The following CSGALNACT1 variants were observed in gnomAD, a reference collection of about 807,000 sequenced individuals.
CSGALNACT1 encodes beta4GalNAcT-1.
Under a neutral mutation model 51.0 loss-of-function variants are expected in CSGALNACT1, and 52 were observed. The observed-to-expected ratio is 1.02, with a 90% CI of 0.82 to 1.29. The LOEUF is 1.29. Ranked by LOEUF, CSGALNACT1 falls within the 50% of genes most tolerant of loss-of-function variation. CSGALNACT1 has a pLI of 0.00. For synonymous variants in CSGALNACT1, 341 were observed against 254.4 expected, an observed-to-expected ratio of 1.34 and a Z score of -3.24; for missense variants, 935 against 679.2, an observed-to-expected ratio of 1.38 and a Z score of -4.19.
intron 4 of CSGALNACT1, among the ~76,000 whole-genome samples, chr8:19,502,659 C>T (rs962484821): frequency 6.6e-6 from 1 of 152,166 alleles, no homozygotes; most frequent in Non-Finnish European, 1.5e-5. Context: ...AACCCAAAAC[C>T]TCAAATCACT....
rs868791357 is a variant in CSGALNACT1 at position 19,428,876 on chromosome 8, T to C, written c.954-8358A>G. ...GTGTGTGTGTGTGTGTGTGTGTGTG[T>C]ATGCATGCTGTGTATTTATATGTAT... On this transcript the variant is annotated intron_variant, in intron 6 of 9. Coordinates refer to ENST00000454498, the Ensembl canonical transcript of CSGALNACT1. Among the ~76,000 whole-genome samples the C allele has an allele frequency of 5.6e-3, 731 of 130,230 alleles. 8 individuals are homozygous for C. The highest frequency in any genetic ancestry group is 0.02 in the African/African-American group (676 of 33,718). The allele number at this position is 130,230 out of a possible 152,430, so 85.4% of individuals were successfully genotyped here.
At chr8:19,484,747 C>A (rs2072428237) in intron 4 of CSGALNACT1, among the ~76,000 whole-genome samples, 1 of 152,114 alleles carries the variant, frequency 6.6e-6, no homozygotes, top group Non-Finnish European at 1.5e-5. Context: ...TTGGAGAATA[C>A]CAAGAAGTAC....
intron 3 of CSGALNACT1, among the ~76,000 whole-genome samples, chr8:19,586,337 C>T (rs921961068): frequency 1.3e-5 from 2 of 149,342 alleles, no homozygotes; most frequent in Non-Finnish European, 3.0e-5. Context: ...CCAGCCTGGG[C>T]AACAGAGCAA....
intron 4 of CSGALNACT1, among the ~76,000 whole-genome samples, chr8:19,467,269 G>C (rs561141275): frequency 1.3e-5 from 2 of 151,766 alleles, no homozygotes; most frequent in Non-Finnish European, 2.9e-5. Flanking sequence ...ACAGGAGCCC[G>C]CCACCATGAC....
At chr8:19,680,548 T>C in intron 1 of CSGALNACT1, among the ~76,000 whole-genome samples, 3 of 92,074 alleles carry the variant, frequency 3.3e-5, no homozygotes, top group East Asian at 3.3e-4. Flanking sequence ...AAAGGAAGAA[T>C]CTGCACCCTC....
chr8:19,502,525 T>A (rs2076597634), intron 4 of CSGALNACT1, among the ~76,000 whole-genome samples: 2 of 152,330 alleles, frequency 1.3e-5, no homozygotes, highest in South Asian at 4.1e-4. Flanking sequence ...CCCATCTTTG[T>A]TATACTACTA....
At chr8:19,420,911 C>G (rs1411458152) in intron 6 of CSGALNACT1, among the ~76,000 whole-genome samples, 2 of 152,234 alleles carry the variant, frequency 1.3e-5, no homozygotes, top group African/African-American at 2.4e-5. Context: ...AATAAGATCA[C>G]ATTGCAATGG....
intron 8 of CSGALNACT1, among the ~76,000 whole-genome samples, chr8:19,411,819 C>T (rs1316238658): frequency 2.0e-5 from 3 of 149,674 alleles, no homozygotes; most frequent in South Asian, 2.1e-4. Flanking sequence ...GATCTGTTTC[C>T]AAGCACTATC....
chr8:19,687,689 A>G (rs892122894), intron 1 of CSGALNACT1, among the ~76,000 whole-genome samples: 2 of 152,212 alleles, frequency 1.3e-5, no homozygotes, highest in Non-Finnish European at 2.9e-5. Context: ...ATGAAACTCC[A>G]TTCACCTATT....
chr8:19,505,480 C>T lies in CSGALNACT1; in HGVS notation c.355G>A (p.Asp119Asn), dbSNP rs746556853. 2.1e-5 allele frequency: 34 copies of T among 1,614,016 alleles called. No individual in the cohort carries two copies. Among genetic ancestry groups the T allele is most frequent in the East Asian group, 8.9e-5 (4 of 44,884 alleles). Residue 119 changes from aspartate (D) to asparagine (N), a missense_variant, in exon 4 of 10, where the codon GAC becomes AAC. Transcript: ENST00000454498. ...TGCGAGTGCAGGAAGGCCAGGAGGT[C>T]GGCCTGGGTTTTCTCTGGGGGGCTC...
intron 6 of CSGALNACT1, among the ~76,000 whole-genome samples, chr8:19,437,568 T>TATCAGTGACATCA (rs1207038674): frequency 6.6e-6 from 1 of 152,098 alleles, no homozygotes; most frequent in African/African-American, 2.4e-5. Flanking sequence ...ACATCAACAC[T>TATCAGTGACATCA]ACAGATATCA....
intron 1 of CSGALNACT1, among the ~76,000 whole-genome samples, chr8:19,658,995 TG>T: frequency 6.6e-6 from 1 of 152,232 alleles, no homozygotes; most frequent in East Asian, 1.9e-4. Flanking sequence ...GCTTCATAAA[TG>T]TTTTTTTTCC....
chr8:19,526,909 C>T (rs1047511286), intron 3 of CSGALNACT1, among the ~76,000 whole-genome samples: 3 of 152,162 alleles, frequency 2.0e-5, no homozygotes, highest in African/African-American at 7.2e-5. Flanking sequence ...CTTTAGACAA[C>T]CTTCGGTTTA....
At chr8:19,562,484 GA>G (rs71304936) in intron 3 of CSGALNACT1, among the ~76,000 whole-genome samples, 1,535 of 129,310 alleles carry the variant, frequency 0.012, 18 homozygotes, top group South Asian at 0.027. Context: ...CTTCTGCACA[GA>G]AAAAAAAAAA....
intron 3 of CSGALNACT1, among the ~76,000 whole-genome samples, chr8:19,578,224 T>C (rs1296245619): frequency 1.3e-5 from 2 of 152,168 alleles, no homozygotes; most frequent in Admixed American, 1.3e-4. Flanking sequence ...AAAATAAATA[T>C]TTATCACCAT....
At chr8:19,615,412 C>A (rs1239964283) in intron 1 of CSGALNACT1, among the ~76,000 whole-genome samples, 2 of 152,234 alleles carry the variant, frequency 1.3e-5, no homozygotes, top group Admixed American at 6.5e-5. Context: ...TTCTTTTGAA[C>A]CCTCTCTTTG....
intron 3 of CSGALNACT1, among the ~76,000 whole-genome samples, chr8:19,538,122 G>T (rs749826924): frequency 2.0e-5 from 3 of 152,044 alleles, no homozygotes; most frequent in Non-Finnish European, 2.9e-5. Context: ...TTCAAGATCA[G>T]CCTGGGCAAC....
intron 1 of CSGALNACT1, among the ~76,000 whole-genome samples, chr8:19,663,174 A>G (rs1281226946): frequency 6.6e-6 from 1 of 152,226 alleles, no homozygotes; most frequent in East Asian, 1.9e-4. Context: ...AGTTGGAGAA[A>G]CATTTCCATG....
intron 2 of CSGALNACT1, among the ~76,000 whole-genome samples, chr8:19,593,550 C>G (rs1385552083): frequency 1.3e-5 from 2 of 152,160 alleles, no homozygotes; most frequent in Admixed American, 6.5e-5. Flanking sequence ...TCTAGATGAC[C>G]CTTTGCATGC....
Sources: allele counts gnomAD v4.1 joint callset (sites outside exome capture counted in the v4.1 genomes callset), GRCh38; gene constraint gnomAD v4.1.1; transcripts MANE v1.5; gene names NCBI Gene and HGNC (gene_info 2026-07-23, HGNC 2026-07-21).